The following LOC128462377 variants were observed in gnomAD, a reference collection of about 807,000 sequenced individuals.
the LOC128462377 span, among the ~76,000 whole-genome samples, chr16:89,333,955 G>A: frequency 6.6e-6 from 1 of 151,842 alleles, no homozygotes; most frequent in African/African-American, 2.4e-5. Context: ...TTCAAATGCT[G>A]GCCTAACTGG....
the LOC128462377 span, among the ~76,000 whole-genome samples, chr16:89,368,253 T>G: frequency 2.6e-5 from 4 of 151,960 alleles, no homozygotes; most frequent in East Asian, 3.9e-4. Context: ...CAGACTGCAG[T>G]GGCACAATCT....
chr16:89,344,597 GC>G, the LOC128462377 span, among the ~76,000 whole-genome samples: 1 of 152,246 alleles, frequency 6.6e-6, no homozygotes, highest in Admixed American at 6.5e-5. Context: ...AGCCCACAAT[GC>G]AAGCGTCCGG....
chr16:89,325,449 C>G, the LOC128462377 span, among the ~76,000 whole-genome samples: 1 of 139,532 alleles, frequency 7.2e-6, no homozygotes, highest in African/African-American at 2.7e-5. Context: ...TCTCCCCTCT[C>G]CTCTCTCTCT....
At chr16:89,359,491 C>G in the LOC128462377 span, among the ~76,000 whole-genome samples, 3 of 152,226 alleles carry the variant, frequency 2.0e-5, no homozygotes, top group Non-Finnish European at 4.4e-5. Flanking sequence ...CTTCGGGATG[C>G]AGATGGCAGC....
chr16:89,322,339 G>A, the LOC128462377 span, among the ~76,000 whole-genome samples: 4 of 152,226 alleles, frequency 2.6e-5, no homozygotes, highest in African/African-American at 7.2e-5. Flanking sequence ...TGATAGAACA[G>A]GCCTTTACGT....
the LOC128462377 span, chr16:89,328,887 A>G: frequency 1.8e-5 from 2 of 109,896 alleles, no homozygotes; most frequent in Non-Finnish European, 1.8e-5. Context: ...GTGAGTGGAC[A>G]TACCCAGGAG....
the LOC128462377 span, among the ~76,000 whole-genome samples, chr16:89,346,645 G>GAGGAGGGAAACC: frequency 6.6e-6 from 1 of 152,184 alleles, no homozygotes. Flanking sequence ...AAGGATGAGG[G>GAGGAGGGAAACC]AGGAGGGAAA....
At chr16:89,395,110 C>G in the LOC128462377 span, among the ~76,000 whole-genome samples, 2 of 152,190 alleles carry the variant, frequency 1.3e-5, no homozygotes, top group African/African-American at 4.8e-5. Context: ...AAGCACAGGA[C>G]AAGATGAAAG....
At chr16:89,341,453 G>C in the LOC128462377 span, among the ~76,000 whole-genome samples, 1 of 152,180 alleles carries the variant, frequency 6.6e-6, no homozygotes, top group East Asian at 1.9e-4. Flanking sequence ...CCTTCCAGAA[G>C]GTTCCAGAAG....
At chr16:89,414,840 C>A in the LOC128462377 span, among the ~76,000 whole-genome samples, 1 of 152,214 alleles carries the variant, frequency 6.6e-6, no homozygotes, top group South Asian at 2.1e-4. Context: ...GAAGAAGCGA[C>A]TGTGGATCTC....
At chr16:89,409,691 A>G in the LOC128462377 span, among the ~76,000 whole-genome samples, 1 of 152,136 alleles carries the variant, frequency 6.6e-6, no homozygotes, top group South Asian at 2.1e-4. Flanking sequence ...CGTGTTACTA[A>G]AAGTTTCCAT....
the LOC128462377 span, among the ~76,000 whole-genome samples, chr16:89,396,754 T>G: frequency 6.6e-6 from 1 of 152,224 alleles, no homozygotes; most frequent in African/African-American, 2.4e-5. Context: ...TGGCGCCATC[T>G]TGGCTCACTG....
chr16:89,415,146 G>A, the LOC128462377 span, among the ~76,000 whole-genome samples: 2 of 151,674 alleles, frequency 1.3e-5, no homozygotes, highest in Non-Finnish European at 2.9e-5. Flanking sequence ...TAGAGATGCG[G>A]TCTCGTCATG....
At chr16:89,336,287 G>A in the LOC128462377 span, among the ~76,000 whole-genome samples, 1 of 152,202 alleles carries the variant, frequency 6.6e-6, no homozygotes, top group South Asian at 2.1e-4. Context: ...GTGCCGGGGA[G>A]CAGCCACCAA....
chr16:89,354,636 C>A, the LOC128462377 span, among the ~76,000 whole-genome samples: 2 of 152,190 alleles, frequency 1.3e-5, no homozygotes, highest in East Asian at 3.8e-4. Context: ...AATCCCAGCA[C>A]TTTGGGAGGC....
the LOC128462377 span, among the ~76,000 whole-genome samples, chr16:89,323,604 C>T: frequency 3.6e-4 from 13 of 35,762 alleles, no homozygotes; most frequent in East Asian, 2.2e-3. Flanking sequence ...GGGCTGAGCC[C>T]GGGGCAGGGG....
At chr16:89,375,121 C>T in the LOC128462377 span, among the ~76,000 whole-genome samples, 4 of 152,118 alleles carry the variant, frequency 2.6e-5, no homozygotes, top group Middle Eastern at 6.8e-3. Flanking sequence ...GAAGTGTATA[C>T]AACTCAGTGC....
the LOC128462377 span, among the ~76,000 whole-genome samples, chr16:89,394,942 G>A: frequency 5.3e-5 from 8 of 152,176 alleles, no homozygotes; most frequent in Non-Finnish European, 1.2e-4. Context: ...TTTTTCCAAG[G>A]CTACTTAGAG....
the LOC128462377 span, chr16:89,317,149 C>T: frequency 1.0e-6 from 1 of 1,002,056 alleles, no homozygotes; most frequent in African/African-American, 1.6e-5. Context: ...TCACACCGCA[C>T]TCAACAGACT....
Sources: gnomAD v4.1 joint callset for allele counts (sites outside exome capture counted in the v4.1 genomes callset) on GRCh38, gnomAD v4.1.1 for gene constraint, MANE v1.5 for transcripts.